Variants in COL11A1 observed in about 807,000 individuals in gnomAD.
COL11A1 encodes collagen alpha-1(XI) chain.
COL11A1 carries 74 observed loss-of-function variants against 265.2 expected under a neutral mutation model. The observed-to-expected ratio is 0.28, with a 90% CI of 0.23 to 0.34. The LOEUF is 0.34. Among genes scored for constraint, COL11A1 ranks in the 10% least tolerant of loss-of-function variants. The pLI, the probability that COL11A1 is intolerant of heterozygous loss-of-function variation, is 1.00. For synonymous variants in COL11A1, 816 were observed against 727.6 expected (o/e 1.12, Z -1.96); for missense variants, 2,165 against 2,263.6 (o/e 0.96, Z 0.88).
intron 4 of COL11A1, among the ~76,000 whole-genome samples, chr1:103,063,863 A>G (rs1202529258): frequency 2.0e-5 from 3 of 152,236 alleles, no homozygotes; most frequent in Non-Finnish European, 4.4e-5. Context: ...TCAACAATAA[A>G]AAAGCTAACA....
chr1:103,045,394 A>G (rs1362512985), intron 4 of COL11A1, among the ~76,000 whole-genome samples: 1 of 152,154 alleles, frequency 6.6e-6, no homozygotes, highest in Non-Finnish European at 1.5e-5. Context: ...CAAAAGCAGA[A>G]AGATCAATTA....
At chr1:103,101,941 A>C (rs1454747691) in intron 1 of COL11A1, among the ~76,000 whole-genome samples, 1 of 151,068 alleles carries the variant, frequency 6.6e-6, no homozygotes, top group Non-Finnish European at 1.5e-5. Context: ...GCAAGCAAAG[A>C]GTTTATTTTA....
At position 102,877,998 on chromosome 1, in the gene COL11A1, G is replaced by C; in HGVS notation, c.*21C>G. 6.2e-7 allele frequency: 1 copy of C among 1,612,438 alleles called. No homozygotes were observed. The highest frequency in any genetic ancestry group is 8.5e-7 in the Non-Finnish European group (1 of 1,178,918). On this transcript the variant is annotated 3_prime_UTR_variant, in exon 67 of 67. Coordinates refer to ENST00000370096, the MANE Select transcript of COL11A1 (RefSeq NM_001854.4). ...ACCAAGGTATATTTTCTGTTGATTT[G>C]ATATGTTCTTTGTCTTAATCTTAGC... is the stretch of plus-strand genomic sequence containing the variant.
Position 102,930,194 on chromosome 1 carries a change from T to C in COL11A1, c.3600+4255A>G, listed in dbSNP as rs1570762989. 4.0e-5 allele frequency among the ~76,000 whole-genome samples: 6 copies of C among 151,886 alleles called. 3 individuals carry two copies. Among genetic ancestry groups the C allele is most frequent in the Admixed American group, 3.9e-4 (6 of 15,258 alleles). On this transcript the variant is annotated intron_variant, in intron 46 of 66. Transcript: ENST00000370096. The stretch of plus-strand genomic sequence containing the variant: ...CCGTTTTCAAAGGGAATACTTCCAG[T>C]TTTTGCCCATTCAGTATGATATTGG...
At chr1:103,085,881 T>C (rs540569339) in intron 1 of COL11A1, among the ~76,000 whole-genome samples, 50 of 152,290 alleles carry the variant, frequency 3.3e-4, no homozygotes, top group African/African-American at 1.2e-3. Context: ...GACTAAGTTC[T>C]TTACAGGGAT....
At chr1:103,035,936 C>A (rs888762536) in intron 4 of COL11A1, among the ~76,000 whole-genome samples, 2 of 151,698 alleles carry the variant, frequency 1.3e-5, no homozygotes, top group African/African-American at 4.8e-5. Context: ...GATAGTATTT[C>A]TCAAATTCCA....
chr1:102,986,142 T>A (rs554525629), intron 30 of COL11A1, among the ~76,000 whole-genome samples: 3 of 151,980 alleles, frequency 2.0e-5, no homozygotes, highest in Non-Finnish European at 2.9e-5. Flanking sequence ...CTATTCACAA[T>A]AGCAAAGACT....
At chr1:102,957,505 A>G (rs959089202) in intron 41 of COL11A1, among the ~76,000 whole-genome samples, 1 of 152,106 alleles carries the variant, frequency 6.6e-6, no homozygotes, top group African/African-American at 2.4e-5. Context: ...TATGAATTGC[A>G]TTATAGGTGA....
At chr1:103,060,089 A>T (rs1473713645) in intron 4 of COL11A1, among the ~76,000 whole-genome samples, 1 of 152,132 alleles carries the variant, frequency 6.6e-6, no homozygotes, top group Admixed American at 6.5e-5. Context: ...AGATAAATTT[A>T]AAAATATTAA....
Position 103,021,017 on chromosome 1 carries a change from G to GT in COL11A1, c.1308+689dup, listed in dbSNP as rs1455784739. 7.9e-3 allele frequency among the ~76,000 whole-genome samples: 1,133 copies of GT among 143,646 alleles called. 20 individuals carry two copies. Among genetic ancestry groups the GT allele is most frequent in the African/African-American group, 0.026 (1,040 of 39,562 alleles). The allele number at this position is 143,646 out of a possible 152,430, so 94.2% of individuals were successfully genotyped here. The stretch of plus-strand genomic sequence containing the variant: ...TATTCTTTATCATTTTTCTTTCTCT[G>GT]TTTTTTTTTGAAATTTTTATGTCCT... On this transcript the variant is annotated intron_variant, in intron 9 of 66. Coordinates refer to ENST00000370096, the MANE Select transcript of COL11A1 (RefSeq NM_001854.4).
At chr1:102,978,255 C>T (rs1662694692) in intron 35 of COL11A1, among the ~76,000 whole-genome samples, 1 of 152,162 alleles carries the variant, frequency 6.6e-6, no homozygotes, top group Middle Eastern at 3.4e-3. Context: ...ATTCTATTTA[C>T]TGGAATAGAT....
chr1:103,101,786 G>A (rs919574319), intron 1 of COL11A1, among the ~76,000 whole-genome samples: 4 of 151,236 alleles, frequency 2.6e-5, no homozygotes, highest in African/African-American at 9.7e-5. Context: ...AGTTAATTGT[G>A]CTAAAGCACT....
intron 4 of COL11A1, among the ~76,000 whole-genome samples, chr1:103,063,465 G>A (rs548904825): frequency 2.3e-4 from 35 of 152,218 alleles, no homozygotes; most frequent in South Asian, 4.1e-4. Flanking sequence ...ATACAATGGA[G>A]CAATGATAAT....
At chr1:102,997,192 T>A in intron 25 of COL11A1, 68 bp from the exon 26 acceptor site, 1 of 1,323,712 alleles carries the variant, frequency 7.6e-7, no homozygotes, top group Non-Finnish European at 1.1e-6. Context: ...TACGAAAGTA[T>A]TTCTTTTGTT....
intron 24 of COL11A1, chr1:103,001,613 A>T: frequency 2.2e-6 from 1 of 456,876 alleles, no homozygotes; most frequent in East Asian, 3.2e-5. Context: ...TTGTAAAATA[A>T]TGAGAAAGAA....
intron 4 of COL11A1, among the ~76,000 whole-genome samples, chr1:103,049,856 T>C (rs1669646317): frequency 6.6e-6 from 1 of 152,190 alleles, no homozygotes; most frequent in Non-Finnish European, 1.5e-5. Flanking sequence ...CCTTCACTTA[T>C]GAAGCTTTGA....
chr1:103,008,083 G>A (rs1665787683), intron 15 of COL11A1, among the ~76,000 whole-genome samples: 1 of 152,084 alleles, frequency 6.6e-6, no homozygotes, highest in South Asian at 2.1e-4. Context: ...AACAATTACT[G>A]CAATATGTTT....
intron 4 of COL11A1, among the ~76,000 whole-genome samples, chr1:103,068,763 T>C (rs1278596913): frequency 1.3e-5 from 2 of 151,272 alleles, no homozygotes; most frequent in African/African-American, 4.8e-5. Flanking sequence ...ATATAAAAAA[T>C]CGTGTTTTCT....
Position 103,015,679 on chromosome 1 carries a change from A to G in COL11A1, c.1477T>C (p.Leu493=), listed in dbSNP as rs981397262. 4 of 1,607,222 alleles carry G rather than the reference A, an allele frequency of 2.5e-6. No homozygotes were observed. Among genetic ancestry groups the G allele is most frequent in the Non-Finnish European group, 2.6e-6 (3 of 1,175,826 alleles). ...DGLPGPPGTM[L]MLPFRYGGDG... ...AAAAAAGAACATACCGGTAACATCA[A>G]CATAGTACCAGGAGGACCAGGTAGA... The change falls in exon 12 of 67, where the codon TTG becomes CTG. Residue 493 remains leucine, a synonymous_variant. Coordinates refer to ENST00000370096, the MANE Select transcript of COL11A1 (RefSeq NM_001854.4).
Sources: allele counts gnomAD v4.1 joint callset (sites outside exome capture counted in the v4.1 genomes callset), GRCh38; gene constraint gnomAD v4.1.1; transcripts MANE v1.5; gene names NCBI Gene and HGNC (gene_info 2026-07-23, HGNC 2026-07-21).